Variants in AASS observed in about 807,000 individuals in gnomAD.
AASS encodes the protein alpha-aminoadipic semialdehyde synthase, mitochondrial.
A neutral mutation model predicts 105.4 loss-of-function variants in AASS; 86 were observed. The observed-to-expected ratio is 0.82, with a 90% CI of 0.69 to 0.98. AASS has a LOEUF of 0.98. Among genes scored for constraint, AASS ranks in the 50% least tolerant of loss-of-function variants. AASS has a pLI of 0.00. For synonymous variants in AASS, 381 were observed against 394.8 expected (o/e 0.96, Z 0.41); for missense variants, 1,048 against 1,143.2 (o/e 0.92, Z 1.20).
At position 122,143,091 on chromosome 7, in the gene AASS, G is replaced by A. The variant is rs938031420; in HGVS notation, c.-16+1070C>T. Among the ~76,000 whole-genome samples, 10 of 152,250 alleles carry A rather than the reference G, an allele frequency of 6.6e-5. No homozygotes were observed. In the South Asian group the frequency reaches 1.7e-3, roughly 25 times the overall value. On this transcript the variant is annotated intron_variant, in intron 1 of 23. Transcript: ENST00000417368. Reference sequence around the variant, plus strand: ...ACTCATCTTCATGGGAAAAAAAGAAGAGGGGAGTGCAGGGGACAAAACAGA... The same window carrying A: ...ACTCATCTTCATGGGAAAAAAAGAAAAGGGGAGTGCAGGGGACAAAACAGA...
chr7:122,094,258 A>G (rs1300891649), intron 15 of AASS, among the ~76,000 whole-genome samples: 1 of 152,188 alleles, frequency 6.6e-6, no homozygotes, highest in African/African-American at 2.4e-5. Context: ...AGTTGAAAGT[A>G]AAATAAATAA....
intron 8 of AASS, among the ~76,000 whole-genome samples, chr7:122,115,748 T>G (rs17144099): frequency 0.085 from 12,923 of 152,198 alleles, 614 homozygotes; most frequent in East Asian, 0.15. Flanking sequence ...AGTATCAGTT[T>G]TAGGATGCAT....
At chr7:122,109,516 T>C (rs1392740693) in intron 11 of AASS, among the ~76,000 whole-genome samples, 1 of 151,826 alleles carries the variant, frequency 6.6e-6, no homozygotes, top group African/African-American at 2.4e-5. Flanking sequence ...TCCACCAGTT[T>C]TGGAGAAAAG....
chr7:122,080,141 T>G (rs1793239946), intron 20 of AASS, among the ~76,000 whole-genome samples: 1 of 152,166 alleles, frequency 6.6e-6, no homozygotes, highest in Non-Finnish European at 1.5e-5. Flanking sequence ...GTTCAAGAGA[T>G]GAGAAAGTCC....
At chr7:122,122,046 GT>G (rs1795463265) in intron 4 of AASS, among the ~76,000 whole-genome samples, 1 of 152,060 alleles carries the variant, frequency 6.6e-6, no homozygotes, top group African/African-American at 2.4e-5. Context: ...GTTTATCGTA[GT>G]TATTCTATGT....
Position 122,074,175 on chromosome 7 carries a change from G to A in AASS, c.*2314C>T, listed in dbSNP as rs187633279. 8.5e-4 allele frequency among the ~76,000 whole-genome samples: 129 copies of A among 152,260 alleles called. No individual in the cohort carries two copies. Among genetic ancestry groups the A allele is most frequent in the Non-Finnish European group, 1.6e-3 (110 of 68,016 alleles). ...ACTTTGATTATATATCTATTCCAGT[G>A]AGTGTTAAGTGATATCTCATTGTAG... is the stretch of plus-strand genomic sequence containing the variant. On this transcript the variant is annotated 3_prime_UTR_variant, in exon 24 of 24. Coordinates refer to ENST00000417368, the MANE Select transcript of AASS (RefSeq NM_005763.4).
chr7:122,130,256 C>T (rs1167284718), intron 2 of AASS, among the ~76,000 whole-genome samples: 1 of 151,722 alleles, frequency 6.6e-6, no homozygotes, highest in African/African-American at 2.4e-5. Flanking sequence ...GAAAGGCTAC[C>T]TGAAATTTAG....
chr7:122,080,398 C>A (rs1477191200), intron 20 of AASS, among the ~76,000 whole-genome samples: 4 of 152,132 alleles, frequency 2.6e-5, no homozygotes, highest in South Asian at 2.1e-4. Flanking sequence ...CTGACAGAGA[C>A]CGTGTGGCCC....
At chr7:122,133,421 G>A (rs1022712245) in intron 2 of AASS, 96 bp downstream of exon 2, 145 of 1,307,284 alleles carry the variant, frequency 1.1e-4, no homozygotes, top group Non-Finnish European at 1.5e-4. Context: ...AGAAATCAAA[G>A]TGACACTAGC....
intron 8 of AASS, among the ~76,000 whole-genome samples, chr7:122,115,901 T>A (rs187850583): frequency 2.8e-4 from 43 of 152,318 alleles, no homozygotes; most frequent in African/African-American, 8.2e-4. Context: ...TTCCCTAACA[T>A]GCCCTGCACG....
Position 122,101,376 on chromosome 7 carries a change from C to G in AASS, c.1401G>C (p.Glu467Asp). 6.2e-7 allele frequency: 1 copy of G among 1,606,900 alleles called. No individual in the cohort carries two copies. The highest frequency in any genetic ancestry group is 8.5e-7 in the Non-Finnish European group (1 of 1,174,086). ...DKYKYIQTLR[E>D]SRERAQSLSM... ...AGGATTTGAACAATACTTACCTGCT[C>G]TCCCGGAGTGTCTGGATATATTTAT... The change falls in exon 13 of 24, where the codon GAG becomes GAC. Residue 467 changes from glutamate to aspartate, a missense_variant. Physicochemically the swap from Glu to Asp is conservative, Grantham distance 45 (BLOSUM62 2). Transcript: ENST00000417368.
At position 122,115,078 on chromosome 7, in the gene AASS, G is replaced by GTAT; in HGVS notation, c.1038_1039insATA (p.Pro346_His347insIle). The GTAT allele has an allele frequency of 6.2e-7, 1 of 1,614,142 alleles. No individual in the cohort carries two copies. The highest frequency in any genetic ancestry group is 1.1e-5 in the South Asian group (1 of 91,086). On this transcript the variant is annotated inframe_insertion, in exon 9 of 24. Transcript: ENST00000417368. Reference sequence around the variant, plus strand: ...TTGCTGAAGTAGAGTCCTTACTTGTGTGGTAATGCAGGGCAGCCTTCCACA... The same window carrying GTAT: ...TTGCTGAAGTAGAGTCCTTACTTGTGTATTGGTAATGCAGGGCAGCCTTCCACA...
chr7:122,108,838 G>C (rs996408569), intron 11 of AASS, among the ~76,000 whole-genome samples: 1 of 151,630 alleles, frequency 6.6e-6, no homozygotes, highest in African/African-American at 2.4e-5. Context: ...AGAAAACAAA[G>C]GTACCCAAAT....
Position 122,112,639 on chromosome 7 carries a change from A to G in AASS, c.1278+479T>C, listed in dbSNP as rs1794990945. 2.6e-5 allele frequency among the ~76,000 whole-genome samples: 4 copies of G among 152,328 alleles called. No individual in the cohort carries two copies. The South Asian group carries it at 8.3e-4, about 32-fold the overall frequency. ...TTGATAAAGAAAATGGAATTTAGATAACATGGTATTTCATTAGCTAATCAA... is the reference window on the plus strand; with the variant it reads ...TTGATAAAGAAAATGGAATTTAGATGACATGGTATTTCATTAGCTAATCAA... On this transcript the variant is annotated intron_variant, in intron 11 of 23. Transcript: ENST00000417368.
At chr7:122,123,396 C>T (rs1239050297) in intron 4 of AASS, among the ~76,000 whole-genome samples, 2 of 152,288 alleles carry the variant, frequency 1.3e-5, no homozygotes, top group Non-Finnish European at 2.9e-5. Flanking sequence ...TATCAAGGAT[C>T]ACAAGTCTGT....
At chr7:122,085,516 A>G (rs1380698582) in intron 19 of AASS, among the ~76,000 whole-genome samples, 1 of 152,008 alleles carries the variant, frequency 6.6e-6, no homozygotes, top group Non-Finnish European at 1.5e-5. Context: ...CATTGACTCC[A>G]TCTCCAGTTC....
intron 4 of AASS, 40 bp downstream of exon 4, chr7:122,126,335 C>T: frequency 1.3e-6 from 2 of 1,568,204 alleles, no homozygotes; most frequent in East Asian, 2.2e-5. Context: ...TTCCCCAAGC[C>T]AATTTAGGAA....
intron 10 of AASS, 59 bp downstream of exon 10, chr7:122,113,539 G>T: frequency 6.3e-7 from 1 of 1,590,536 alleles, no homozygotes; most frequent in Non-Finnish European, 8.6e-7. Flanking sequence ...GAGAATTTTA[G>T]AGTAGTATAT....
intron 11 of AASS, among the ~76,000 whole-genome samples, chr7:122,104,274 C>T (rs564069620): frequency 6.9e-6 from 1 of 145,670 alleles, no homozygotes; most frequent in Non-Finnish European, 1.5e-5. Flanking sequence ...GGTATATATA[C>T]ACCATGGAAT....
Sources: gnomAD v4.1 joint callset for allele counts (sites outside exome capture counted in the v4.1 genomes callset) on GRCh38, gnomAD v4.1.1 for gene constraint, MANE v1.5 for transcripts, NCBI Gene and HGNC (gene_info 2026-07-23, HGNC 2026-07-21) for gene names.